OTUD7A: variants seen among roughly 807,000 people sequenced by gnomAD.
OTUD7A encodes the protein OTU deubiquitinase 7A, also known as OTU domain-containing protein 7A.
In OTUD7A, 12 loss-of-function variants were observed where a neutral mutation model predicts 65.7. That is an observed-to-expected ratio of 0.18 (90% CI 0.12 to 0.30). The LOEUF (loss-of-function observed/expected upper bound fraction) is 0.30, where lower values mean the gene tolerates loss of function less well. Among genes scored for constraint, OTUD7A ranks in the 10% least tolerant of loss-of-function variants. The pLI is 1.00. For missense variants in OTUD7A, 1,148 were observed against 1,304.8 expected (o/e 0.88, Z 1.85); for synonymous variants, 641 against 586.3 (o/e 1.09, Z -1.35).
chr15:31,815,270 A>AG (rs35995147), intron 1 of OTUD7A, among the ~76,000 whole-genome samples: 50,683 of 152,058 alleles, frequency 0.33, 8,833 homozygotes, highest in South Asian at 0.56. Context: ...ATTTTAGCAG[A>AG]GAAAGCAACA....
intron 1 of OTUD7A, among the ~76,000 whole-genome samples, chr15:31,822,890 T>G (rs1400006895): frequency 6.6e-6 from 1 of 152,066 alleles, no homozygotes; most frequent in Non-Finnish European, 1.5e-5. Flanking sequence ...CCATAGACAA[T>G]AACTACTTAA....
At chr15:31,614,281 A>T (rs989942336) in intron 3 of OTUD7A, among the ~76,000 whole-genome samples, 2 of 150,212 alleles carry the variant, frequency 1.3e-5, no homozygotes, top group Admixed American at 1.3e-4. Context: ...CACGACCTGC[A>T]CCCCAATAAC....
intron 8 of OTUD7A, 102 bp downstream of exon 8, chr15:31,526,247 A>C: frequency 8.5e-7 from 1 of 1,171,238 alleles, no homozygotes; most frequent in Non-Finnish European, 1.2e-6. Context: ...CCACAGCACA[A>C]GAGTCCCACA....
At chr15:31,813,174 A>C (rs1896463575) in intron 1 of OTUD7A, among the ~76,000 whole-genome samples, 1 of 152,204 alleles carries the variant, frequency 6.6e-6, no homozygotes, top group Non-Finnish European at 1.5e-5. Context: ...TCAGCAGGTA[A>C]TGGTCCAGGC....
intron 1 of OTUD7A, among the ~76,000 whole-genome samples, chr15:31,756,829 C>T (rs1003947178): frequency 9.2e-5 from 14 of 152,284 alleles, no homozygotes; most frequent in Admixed American, 2.0e-4. Flanking sequence ...CCAGCTACTG[C>T]GGACCTAACA....
At chr15:31,670,129 T>C (rs959054184) in intron 1 of OTUD7A, among the ~76,000 whole-genome samples, 8 of 148,964 alleles carry the variant, frequency 5.4e-5, no homozygotes, top group African/African-American at 1.8e-4. Flanking sequence ...TGCTGCTGTG[T>C]CCATCTGAGT....
chr15:31,582,208 T>C (rs1296820837), intron 3 of OTUD7A, among the ~76,000 whole-genome samples: 1 of 152,226 alleles, frequency 6.6e-6, no homozygotes, highest in Non-Finnish European at 1.5e-5. Flanking sequence ...TTCATCTCTA[T>C]CTGAGACCAC....
intron 8 of OTUD7A, among the ~76,000 whole-genome samples, chr15:31,509,404 G>C (rs762926860): frequency 5.1e-4 from 77 of 151,886 alleles, no homozygotes; most frequent in Non-Finnish European, 9.7e-4. Context: ...TCAGCCTCCC[G>C]AGTAGCTGGG....
At chr15:31,711,438 CCT>C in intron 1 of OTUD7A, among the ~76,000 whole-genome samples, 1 of 151,412 alleles carries the variant, frequency 6.6e-6, no homozygotes, top group Non-Finnish European at 1.5e-5. Context: ...TTTGTTTCTC[CCT>C]CTCTCTTGCC....
intron 1 of OTUD7A, among the ~76,000 whole-genome samples, chr15:31,848,446 A>G (rs1242418176): frequency 3.9e-5 from 6 of 151,958 alleles, no homozygotes. Flanking sequence ...TGTGCTTTTT[A>G]TTTTTAAAAA....
intron 1 of OTUD7A, among the ~76,000 whole-genome samples, chr15:31,808,990 A>G (rs1402631060): frequency 1.3e-5 from 2 of 152,202 alleles, no homozygotes; most frequent in African/African-American, 4.8e-5. Context: ...GTGGAGACTG[A>G]AAAGCAAAAT....
intron 1 of OTUD7A, among the ~76,000 whole-genome samples, chr15:31,797,130 C>T (rs1432641913): frequency 2.0e-5 from 3 of 152,074 alleles, no homozygotes; most frequent in African/African-American, 7.2e-5. Context: ...TCAGAGCTGC[C>T]CTAGTGGATG....
chr15:31,610,593 T>TTTTA (rs1555401165), intron 3 of OTUD7A, among the ~76,000 whole-genome samples: 24 of 81,012 alleles, frequency 3.0e-4, no homozygotes, highest in African/African-American at 1.3e-3. Flanking sequence ...AAAAATGAAA[T>TTTTA]TATATATATA....
intron 1 of OTUD7A, among the ~76,000 whole-genome samples, chr15:31,852,047 C>T (rs766002490): frequency 6.6e-5 from 10 of 152,242 alleles, no homozygotes; most frequent in Non-Finnish European, 7.4e-5. Context: ...TTAGTAGAGA[C>T]GGGGTTTCAC....
chr15:31,590,700 G>T (rs1889697093), intron 3 of OTUD7A, among the ~76,000 whole-genome samples: 1 of 152,186 alleles, frequency 6.6e-6, no homozygotes, highest in Admixed American at 6.5e-5. Context: ...ATTTCCAGAT[G>T]CTTGGGTTCT....
intron 5 of OTUD7A, among the ~76,000 whole-genome samples, chr15:31,553,229 G>A (rs2141149707): frequency 6.6e-6 from 1 of 152,240 alleles, no homozygotes; most frequent in South Asian, 2.1e-4. Flanking sequence ...TGATTCCCAG[G>A]CCCGCACATT....
intron 5 of OTUD7A, among the ~76,000 whole-genome samples, chr15:31,543,188 A>G (rs113857020): frequency 5.9e-5 from 9 of 152,074 alleles, no homozygotes; most frequent in African/African-American, 2.2e-4. Flanking sequence ...AAACTACTCC[A>G]AAGTCCCTGT....
rs36091159 is a variant in OTUD7A at position 31,589,303 on chromosome 15, GTT to G, written c.152-19108_152-19107del. Reference sequence around the variant, plus strand: ...TTATTTTCTCATTTTGTTTTTCTGGGTTTTTTTTTTTTTTGAGACAGGGTCTT... The same window carrying G: ...TTATTTTCTCATTTTGTTTTTCTGGGTTTTTTTTTTTTGAGACAGGGTCTT... On this transcript the variant is annotated intron_variant, in intron 3 of 12. Coordinates refer to ENST00000307050, the MANE Select transcript of OTUD7A (RefSeq NM_001382637.1). Among the ~76,000 whole-genome samples, 396 of 141,248 alleles carry G rather than the reference GTT, an allele frequency of 2.8e-3. 3 individuals are homozygous for G. Among genetic ancestry groups the G allele is most frequent in the African/African-American group, 9.7e-3 (368 of 38,096 alleles). 92.7% of individuals were successfully genotyped at this position (141,248 alleles called of 152,430 possible).
intron 1 of OTUD7A, among the ~76,000 whole-genome samples, chr15:31,785,647 A>G (rs1485114750): frequency 6.6e-6 from 1 of 151,862 alleles, no homozygotes; most frequent in Admixed American, 6.6e-5. Context: ...CCAAGCAACC[A>G]CTCCAGACTG....
Sources: allele counts gnomAD v4.1 joint callset (sites outside exome capture counted in the v4.1 genomes callset), GRCh38; gene constraint gnomAD v4.1.1; transcripts MANE v1.5; gene names NCBI Gene and HGNC (gene_info 2026-07-23, HGNC 2026-07-21).